Variants in SYCP3 observed in about 807,000 individuals in gnomAD.
SYCP3 encodes synaptonemal complex protein 3.
In SYCP3, 29 loss-of-function variants were observed where a neutral mutation model predicts 38.5. That is an observed-to-expected ratio of 0.75 (90% CI 0.56 to 1.03). The LOEUF is 1.03. Among genes scored for constraint, SYCP3 ranks in the 50% least tolerant of loss-of-function variants. SYCP3 has a pLI of 0.00. For missense variants in SYCP3, 242 were observed against 270.7 expected, an observed-to-expected ratio of 0.89 and a Z score of 0.74; for synonymous variants, 79 against 80.3, an observed-to-expected ratio of 0.98 and a Z score of 0.08.
At chr12:101,737,153 T>C in intron 3 of SYCP3, 79 bp downstream of exon 3, 2 of 1,601,898 alleles carry the variant, frequency 1.2e-6, no homozygotes, top group Non-Finnish European at 8.6e-7. Context: ...AGATGCCAAG[T>C]ATTTTACATA....
At chr12:101,733,015 C>G (rs1223285500) in intron 6 of SYCP3, 1 of 152,472 alleles carries the variant, frequency 6.6e-6, no homozygotes, top group African/African-American at 2.4e-5. Flanking sequence ...TACACAGATG[C>G]GGAACCCTTA....
rs748795986 is a variant in SYCP3 at position 101,735,044 on chromosome 12, A to G, written c.236T>C (p.Val79Ala). 4.5e-6 allele frequency: 7 copies of G among 1,572,588 alleles called. No homozygotes were observed. Among genetic ancestry groups the G allele is most frequent in the Admixed American group, 3.3e-5 (2 of 59,784 alleles). Residue 79 changes from valine to alanine, a missense_variant and splice_region_variant, in exon 5 of 9, where the codon GTT (valine) becomes GCT (alanine). Physicochemically the swap from Val to Ala is moderately conservative, Grantham distance 64. Transcript: ENST00000392924. Reference protein sequence around the residue: ...EVQNMLEGVGVDINKALLAKR... With the variant: ...EVQNMLEGVGADINKALLAKR... ...GGCAAGAAGAGCCTTGTTAATGTCA[A>G]CTAGATTGAAAATAAAAATTCATTA...
chr12:101,729,855 T>C (rs2137045132), intron 7 of SYCP3, among the ~76,000 whole-genome samples: 1 of 152,258 alleles, frequency 6.6e-6, no homozygotes, highest in East Asian at 1.9e-4. Flanking sequence ...TTAATTCCAA[T>C]TTAGTGGGCA....
chr12:101,737,505 A>G (rs965934525), intron 2 of SYCP3: 8 of 655,662 alleles, frequency 1.2e-5, no homozygotes, highest in African/African-American at 3.7e-5. Context: ...TAATTTTTCA[A>G]GTCTCCCTGG....
chr12:101,739,389 C>A lies in SYCP3; in HGVS notation c.-56G>T. 1 of 1,002,720 alleles carries A rather than the reference C, an allele frequency of 1.0e-6. No homozygotes were observed. Among genetic ancestry groups the A allele is most frequent in the Admixed American group, 6.1e-5 (1 of 16,310 alleles). 62.1% of individuals were successfully genotyped at this position (1,002,720 alleles called of 1,614,324 possible). A position where few individuals can be genotyped will look rare whatever the true frequency, so the allele number is the denominator to read the frequency against. On this transcript the variant is annotated 5_prime_UTR_variant, in exon 1 of 9. Transcript: ENST00000392924. Reference sequence around the variant, plus strand: ...CAATGGCCGAGGACCAGTTACTGGTCGTCGACAGGCGTCCTCCACAACTCC... The same window carrying A: ...CAATGGCCGAGGACCAGTTACTGGTAGTCGACAGGCGTCCTCCACAACTCC...
chr12:101,739,460 TC>T lies in SYCP3; in HGVS notation c.-128del. ...GAGGTGGCCCCTTCTCCGCGACGCT[TC>T]TGAGGCAAGCTGGGATTCGCACAGG... On this transcript the variant is annotated 5_prime_UTR_variant, in exon 1 of 9. Coordinates refer to ENST00000392924, the MANE Select transcript of SYCP3 (RefSeq NM_001177949.2). The T allele has an allele frequency of 1.0e-6, 1 of 1,002,560 alleles. No individual in the cohort carries two copies. Among genetic ancestry groups the T allele is most frequent in the Non-Finnish European group, 1.2e-6 (1 of 830,292 alleles). The allele number at this position is 1,002,560 out of a possible 1,614,324, so 62.1% of individuals were successfully genotyped here.
intron 1 of SYCP3, among the ~76,000 whole-genome samples, chr12:101,738,232 T>G (rs1387250555): frequency 6.6e-6 from 1 of 151,322 alleles, no homozygotes; most frequent in African/African-American, 2.4e-5. Flanking sequence ...AAGACCAGCC[T>G]GGCCAACATG....
rs78591432 is a variant in SYCP3, at chr12:101,733,593, T to C, written c.435A>G (p.Glu145=). 2.1e-3 allele frequency: 3,380 copies of C among 1,612,516 alleles called. 72 individuals carry two copies. In the African/African-American group the frequency reaches 0.039, roughly 19 times the overall value. Residue 145 remains glutamate, a synonymous_variant, in exon 6 of 9, where the codon GAA becomes GAG. Coordinates refer to ENST00000392924, the MANE Select transcript of SYCP3 (RefSeq NM_001177949.2). Reference sequence around the variant, plus strand: ...TACCAACAAGTATTTTTTCTTCTTGTTCCTCAGCTTTCTGCATATCTAAAT... The same window carrying C: ...TACCAACAAGTATTTTTTCTTCTTGCTCCTCAGCTTTCTGCATATCTAAAT... ...QWDLDMQKAE[E]QEEKILNMFR... is the part of the protein sequence containing the mutation.
intron 5 of SYCP3, 85 bp downstream of exon 5, chr12:101,734,842 C>T (rs117114324): frequency 1.4e-5 from 14 of 972,532 alleles, no homozygotes; most frequent in Admixed American, 5.3e-5. Flanking sequence ...GCCACCGTGC[C>T]GATCCTAGAA....
chr12:101,731,377 A>G (rs946717918), intron 7 of SYCP3, among the ~76,000 whole-genome samples, 191 bp downstream of exon 7: 3 of 152,186 alleles, frequency 2.0e-5, no homozygotes, highest in Non-Finnish European at 4.4e-5. Flanking sequence ...GTCTTGAATA[A>G]TCCCAACAAA....
chr12:101,728,865 TC>T lies in SYCP3; in HGVS notation c.*61del. ...CTATTCTAAAGACTTACAATATGCTTCTTAGCTAACGTTATAATTGTATCAT... is the reference window on the plus strand; with the variant it reads ...CTATTCTAAAGACTTACAATATGCTTTTAGCTAACGTTATAATTGTATCAT... On this transcript the variant is annotated 3_prime_UTR_variant, in exon 9 of 9. Transcript: ENST00000392924. 6.2e-7 allele frequency: 1 copy of T among 1,607,992 alleles called. No homozygotes were observed. Among genetic ancestry groups the T allele is most frequent in the Non-Finnish European group, 8.5e-7 (1 of 1,175,604 alleles).
chr12:101,735,871 A>ATATATATATATATTTTTTTTTTTTTT, intron 4 of SYCP3, among the ~76,000 whole-genome samples: 47 of 74,696 alleles, frequency 6.3e-4, no homozygotes, highest in African/African-American at 2.3e-3. Flanking sequence ...ATATATATAT[A>ATATATATATATATTTTTTTTTTTTTT]TTTTTTTTTT....
intron 5 of SYCP3, 39 bp downstream of exon 5, chr12:101,734,888 C>T (rs764150030): frequency 2.3e-6 from 3 of 1,313,790 alleles, no homozygotes; most frequent in Admixed American, 1.7e-5. Flanking sequence ...CCAGTAAATA[C>T]TAAGAAATGT....
rs983142302 is a variant in SYCP3 at position 101,735,874 on chromosome 12, T to A, written c.236-830A>T. Among the ~76,000 whole-genome samples, 18 of 127,896 alleles carry A rather than the reference T, an allele frequency of 1.4e-4. No homozygotes were observed. The East Asian group carries it at 2.2e-3, about 16-fold the overall frequency. The allele number at this position is 127,896 out of a possible 152,430, so 83.9% of individuals were successfully genotyped here. On this transcript the variant is annotated intron_variant, in intron 4 of 8. Transcript: ENST00000392924. ...TTTTATATATATATATATATATATT[T>A]TTTTTTTTTTAAAGACACGGGGGTC...
chr12:101,736,889 G>A (rs967082087), intron 4 of SYCP3, 148 bp downstream of exon 4: 16 of 725,588 alleles, frequency 2.2e-5, no homozygotes, highest in African/African-American at 3.6e-5. Context: ...AATCTGTGAT[G>A]CTAAATCACA....
chr12:101,730,057 AT>A (rs1952115016), intron 7 of SYCP3, among the ~76,000 whole-genome samples: 1 of 152,194 alleles, frequency 6.6e-6, no homozygotes, highest in Admixed American at 6.5e-5. Context: ...ATACCTAAGA[AT>A]TTAGAACAGG....
At chr12:101,735,851 T>TTATATATATATA (rs1157750107) in intron 4 of SYCP3, among the ~76,000 whole-genome samples, 80 of 95,954 alleles carry the variant, frequency 8.3e-4, no homozygotes, top group African/African-American at 1.2e-3. Flanking sequence ...ATAATCAATT[T>TTATATATATATA]TATATATATA....
chr12:101,731,507 TCTA>T (rs1406067378), intron 7 of SYCP3, 58 bp downstream of exon 7: 3 of 1,163,912 alleles, frequency 2.6e-6, no homozygotes, highest in African/African-American at 1.6e-5. Flanking sequence ...AGAATTATCT[TCTA>T]CTTCCATAAA....
At position 101,728,900 on chromosome 12, in the gene SYCP3, G is replaced by C. The variant is rs757066289; in HGVS notation, c.*27C>G. The C allele has an allele frequency of 3.9e-5, 63 of 1,613,162 alleles. No homozygotes were observed. The highest frequency in any genetic ancestry group is 5.3e-5 in the Non-Finnish European group (62 of 1,179,616). On this transcript the variant is annotated 3_prime_UTR_variant, in exon 9 of 9. Coordinates refer to ENST00000392924, the MANE Select transcript of SYCP3 (RefSeq NM_001177949.2). ...CGTTATAATTGTATCATATTACTTA[G>C]GTTCAAGTTCTTTCTTCAAAGAGTC...
Sources: allele counts gnomAD v4.1 joint callset (sites outside exome capture counted in the v4.1 genomes callset), GRCh38; gene constraint gnomAD v4.1.1; transcripts MANE v1.5; gene names NCBI Gene and HGNC (gene_info 2026-07-23, HGNC 2026-07-21).